Variants in GRM5 observed in about 807,000 individuals in gnomAD.
The protein encoded by GRM5 is glutamate metabotropic receptor 5.
Under a neutral mutation model 83.1 loss-of-function variants are expected in GRM5, and 19 were observed. The ratio of observed to expected loss-of-function variants is 0.23; its 90% CI spans 0.16 to 0.34. The LOEUF is 0.34. GRM5 is among the 10% of genes least tolerant of loss of function. The pLI, the probability that GRM5 is intolerant of heterozygous loss-of-function variation, is 1.00. For synonymous variants in GRM5, 675 were observed against 633.6 expected (o/e 1.07, Z -0.98); for missense variants, 1,160 against 1,588.3 (o/e 0.73, Z 4.58).
At chr11:88,531,610 T>G (rs1192060627) in intron 8 of GRM5, among the ~76,000 whole-genome samples, 8 of 152,108 alleles carry the variant, frequency 5.3e-5, no homozygotes, top group Non-Finnish European at 1.2e-4. Context: ...TCATAGAAAT[T>G]GCAGACTCTC....
chr11:89,048,104 CA>C, intron 1 of GRM5, 32 bp from the exon 2 acceptor site: 1 of 486,902 alleles, frequency 2.1e-6, no homozygotes, highest in South Asian at 3.0e-5. Context: ...GGGTCTTTAA[CA>C]AACATAAATG....
intron 3 of GRM5, among the ~76,000 whole-genome samples, chr11:88,770,214 G>C (rs753851585): frequency 6.6e-6 from 1 of 151,982 alleles, no homozygotes; most frequent in Admixed American, 6.6e-5. Flanking sequence ...GCCAAGAGGA[G>C]CCTAAGGAGT....
intron 2 of GRM5, among the ~76,000 whole-genome samples, chr11:88,887,787 A>C (rs541611743): frequency 6.6e-6 from 1 of 152,288 alleles, no homozygotes; most frequent in Non-Finnish European, 1.5e-5. Context: ...ACTCCTCTTA[A>C]CCAGAGACTT....
chr11:88,694,507 A>G (rs138769411), intron 3 of GRM5, among the ~76,000 whole-genome samples: 464 of 152,258 alleles, frequency 3.0e-3, no homozygotes, highest in African/African-American at 0.011. Flanking sequence ...GGTGGAAAGA[A>G]CAGCAGGCAT....
At chr11:88,646,538 A>G (rs1437449372) in intron 4 of GRM5, among the ~76,000 whole-genome samples, 1 of 152,000 alleles carries the variant, frequency 6.6e-6, no homozygotes, top group Admixed American at 6.6e-5. Flanking sequence ...AGACATTGTA[A>G]GTGACAAGCT....
At chr11:88,940,720 T>C (rs1938061909) in intron 2 of GRM5, among the ~76,000 whole-genome samples, 1 of 151,906 alleles carries the variant, frequency 6.6e-6, no homozygotes, top group South Asian at 2.1e-4. Context: ...ATATTGAACT[T>C]TGATTAGTTG....
intron 3 of GRM5, among the ~76,000 whole-genome samples, chr11:88,744,337 C>T (rs978538945): frequency 6.6e-6 from 1 of 152,122 alleles, no homozygotes; most frequent in Non-Finnish European, 1.5e-5. Context: ...ACATTCTGTG[C>T]AGCAAACCAT....
chr11:88,535,232 A>T (rs141614250), intron 8 of GRM5, among the ~76,000 whole-genome samples: 246 of 152,256 alleles, frequency 1.6e-3, no homozygotes, highest in African/African-American at 5.7e-3. Flanking sequence ...CACTGATTAG[A>T]CTAAGATGAT....
intron 2 of GRM5, among the ~76,000 whole-genome samples, chr11:89,042,758 T>C (rs1394240099): frequency 1.3e-5 from 2 of 152,218 alleles, no homozygotes; most frequent in Non-Finnish European, 2.9e-5. Flanking sequence ...ATATAGACTA[T>C]GAATCATACT....
chr11:89,052,447 A>G (rs1410590079), intron 1 of GRM5, among the ~76,000 whole-genome samples: 1 of 152,168 alleles, frequency 6.6e-6, no homozygotes, highest in Non-Finnish European at 1.5e-5. Flanking sequence ...TAGGTACTTT[A>G]TTTTTAAAGA....
intron 2 of GRM5, chr11:88,984,713 T>C: frequency 3.0e-6 from 2 of 656,188 alleles, no homozygotes; most frequent in South Asian, 1.8e-5. Context: ...TTATGTAACA[T>C]TCAAACGGTT....
rs540871069 is a variant in GRM5, at chr11:88,741,612, A to C, written c.912-88209T>G. Among the ~76,000 whole-genome samples, 75 of 152,234 alleles carry C rather than the reference A, an allele frequency of 4.9e-4. 1 individual carries two copies. Among genetic ancestry groups the C allele is most frequent in the African/African-American group, 1.8e-3 (75 of 41,548 alleles). On this transcript the variant is annotated intron_variant, in intron 3 of 9. Coordinates refer to ENST00000305447, the MANE Select transcript of GRM5 (RefSeq NM_001143831.3). ...AGGGGTTAGACCATGACCAAGACAT[A>C]ATCTATACTATAGTATATTAATCTA...
intron 3 of GRM5, among the ~76,000 whole-genome samples, chr11:88,787,156 TGTGTGTGTG>T (rs1943089127): frequency 6.6e-6 from 1 of 151,378 alleles, no homozygotes; most frequent in Non-Finnish European, 1.5e-5. Flanking sequence ...TGTGTGTGTG[TGTGTGTGTG>T]TGTGTGTGTC....
chr11:88,589,518 T>G (rs1203960080), intron 7 of GRM5, among the ~76,000 whole-genome samples: 1 of 152,166 alleles, frequency 6.6e-6, no homozygotes, highest in East Asian at 1.9e-4. Flanking sequence ...TAACCAGACT[T>G]TTTAAATAAG....
intron 2 of GRM5, among the ~76,000 whole-genome samples, chr11:89,007,587 G>T (rs1363805082): frequency 3.9e-5 from 6 of 152,176 alleles, no homozygotes; most frequent in Non-Finnish European, 8.8e-5. Context: ...AGACTAGATA[G>T]GTAATAAAGG....
intron 3 of GRM5, among the ~76,000 whole-genome samples, chr11:88,823,153 T>A: frequency 6.6e-6 from 1 of 151,774 alleles, no homozygotes; most frequent in Non-Finnish European, 1.5e-5. Context: ...ATTTCCTCGA[T>A]TTGTTTCTTC....
intron 3 of GRM5, among the ~76,000 whole-genome samples, chr11:88,696,687 T>C (rs961364974): frequency 2.3e-4 from 35 of 152,210 alleles, no homozygotes; most frequent in Non-Finnish European, 8.8e-5. Flanking sequence ...GTTTATTTTT[T>C]AGCAGAATGG....
At chr11:88,545,995 A>C (rs939304853) in intron 8 of GRM5, among the ~76,000 whole-genome samples, 1 of 151,930 alleles carries the variant, frequency 6.6e-6, no homozygotes, top group Non-Finnish European at 1.5e-5. Context: ...ATTTTACTTT[A>C]ATCACAATGG....
intron 3 of GRM5, among the ~76,000 whole-genome samples, chr11:88,737,409 T>A (rs1463936199): frequency 6.6e-6 from 1 of 152,094 alleles, no homozygotes; most frequent in Non-Finnish European, 1.5e-5. Context: ...CACTTAAATG[T>A]TGATTAAAAG....
Sources: gnomAD v4.1 joint callset for allele counts (sites outside exome capture counted in the v4.1 genomes callset) on GRCh38, gnomAD v4.1.1 for gene constraint, MANE v1.5 for transcripts, NCBI Gene and HGNC (gene_info 2026-07-23, HGNC 2026-07-21) for gene names.